KCNA2: variants seen among roughly 807,000 people sequenced by gnomAD.
The protein encoded by KCNA2 is potassium voltage-gated channel subfamily A member 2, also known as potassium channel, voltage gated shaker related subfamily A, member 2.
A neutral mutation model predicts 33.4 loss-of-function variants in KCNA2; 11 were observed. That is an observed-to-expected ratio of 0.33 (90% CI 0.21 to 0.55). KCNA2 has a LOEUF of 0.55. KCNA2 is among the 20% of genes least tolerant of loss of function. The pLI, the probability that KCNA2 is intolerant of heterozygous loss-of-function variation, is 0.93. For synonymous variants in KCNA2, 222 were observed against 231.3 expected (o/e 0.96, Z 0.37); for missense variants, 291 against 621.6 (o/e 0.47, Z 5.66).
rs1649180168 is a variant in KCNA2, at chr1:110,598,116, G to A, written c.*5167C>T. The A allele has an allele frequency of 1.0e-6, 1 of 965,132 alleles. No individual in the cohort carries two copies. Among genetic ancestry groups the A allele is most frequent in the African/African-American group, 1.8e-5 (1 of 56,818 alleles). 59.8% of individuals were successfully genotyped at this position (965,132 alleles called of 1,614,324 possible). A position where few individuals can be genotyped will look rare whatever the true frequency, so the allele number is the denominator to read the frequency against. ...GATGTTAATGAGGTTAAGGTCATGA[G>A]TTCAAACCCGGCAATGGATACCTTG... is the stretch of plus-strand genomic sequence containing the variant. On this transcript the variant is annotated 3_prime_UTR_variant, in exon 3 of 3. Transcript: ENST00000316361.
rs376953756 is a variant in KCNA2 at position 110,599,490 on chromosome 1, G to C, written c.*3793C>G. The C allele has an allele frequency of 1.0e-6, 1 of 985,240 alleles. No individual in the cohort carries two copies. The highest frequency in any genetic ancestry group is 1.2e-6 in the Non-Finnish European group (1 of 829,902). 61.0% of individuals were successfully genotyped at this position (985,240 alleles called of 1,614,324 possible). ...CAAGAGGAAAAGGAAGAGCGTGCCC[G>C]GGATTGAACACACCCAGAGGGGAAT... On this transcript the variant is annotated 3_prime_UTR_variant, in exon 3 of 3. Coordinates refer to ENST00000316361, the MANE Select transcript of KCNA2 (RefSeq NM_004974.4).
Position 110,604,684 on chromosome 1 carries a change from C to T in KCNA2, c.99G>A (p.Glu33=). The T allele has an allele frequency of 1.9e-6, 3 of 1,614,220 alleles. No homozygotes were observed. The highest frequency in any genetic ancestry group is 2.5e-6 in the Non-Finnish European group (3 of 1,180,046). ...GCCCTGAGATGTTGATCACCACCCT[C>T]TCACAGCACTCGTGGTCTGCCTCTG... ...YDPEADHECC[E]RVVINISGLR... The change falls in exon 3 of 3, where the codon GAG becomes GAA. Residue 33 remains glutamate, a synonymous_variant. Coordinates refer to ENST00000316361, the MANE Select transcript of KCNA2 (RefSeq NM_004974.4). This position sits in a 1 kb window ranked among gnomAD's most constrained non-coding sequence, Gnocchi z 7.6.
chr1:110,594,325 G>C lies in KCNA2; in HGVS notation c.*8958C>G, dbSNP rs868219776. 1 of 878,738 alleles carries C rather than the reference G, an allele frequency of 1.1e-6. No individual in the cohort carries two copies. Among genetic ancestry groups the C allele is most frequent in the Admixed American group, 6.8e-5 (1 of 14,788 alleles). 54.4% of individuals were successfully genotyped at this position (878,738 alleles called of 1,614,324 possible). A position where few individuals can be genotyped will look rare whatever the true frequency, so the allele number is the denominator to read the frequency against. ...TATATATACATATATATATATATGT[G>C]TGTGTATATATATATACACACACAT... On this transcript the variant is annotated 3_prime_UTR_variant, in exon 3 of 3. Coordinates refer to ENST00000316361, the MANE Select transcript of KCNA2 (RefSeq NM_004974.4).
At chr1:110,612,952 G>A (rs56275207) in intron 1 of KCNA2, among the ~76,000 whole-genome samples, 25,623 of 152,084 alleles carry the variant, frequency 0.17, 3,021 homozygotes, top group East Asian at 0.41. Flanking sequence ...ACCTTAGGTG[G>A]GGTGTTTTTC....
At chr1:110,620,510 A>G (rs773662729) in intron 1 of KCNA2, among the ~76,000 whole-genome samples, 2 of 151,280 alleles carry the variant, frequency 1.3e-5, no homozygotes, top group Non-Finnish European at 2.9e-5. Flanking sequence ...GCTGTTAAGA[A>G]CCCCACTTGG....
In KCNA2 at chr1:110,594,876, A is replaced by G. The variant is rs1025899076; in HGVS notation, c.*8407T>C. On this transcript the variant is annotated 3_prime_UTR_variant, in exon 3 of 3. Transcript: ENST00000316361. ...GGTCAAAGTCCTTGCCCTACACTTC[A>G]TAGGCTAAAAAGGCAGTAATGTTAG... The G allele has an allele frequency of 3.0e-6, 3 of 985,306 alleles. No individual in the cohort carries two copies. Among genetic ancestry groups the G allele is most frequent in the African/African-American group, 3.5e-5 (2 of 57,216 alleles). 61.0% of individuals were successfully genotyped at this position (985,306 alleles called of 1,614,324 possible). A position where few individuals can be genotyped will look rare whatever the true frequency, so the allele number is the denominator to read the frequency against.
chr1:110,602,710 T>G lies in KCNA2; in HGVS notation c.*573A>C, dbSNP rs753563096. The G allele has an allele frequency of 9.7e-5, 96 of 992,544 alleles. No individual in the cohort carries two copies. Among genetic ancestry groups the G allele is most frequent in the Non-Finnish European group, 1.2e-4 (96 of 834,752 alleles). The allele number at this position is 992,544 out of a possible 1,614,324, so 61.5% of individuals were successfully genotyped here. ...AAGCAGAATGCAGCATTTTCCGTTA[T>G]GAAACACAAGCCTCCAGAGCATCTA... On this transcript the variant is annotated 3_prime_UTR_variant, in exon 3 of 3. Transcript: ENST00000316361.
intron 1 of KCNA2, among the ~76,000 whole-genome samples, chr1:110,625,880 T>A (rs544751501): frequency 2.0e-5 from 3 of 152,330 alleles, no homozygotes; most frequent in African/African-American, 7.2e-5. Context: ...AAATACATAT[T>A]AAGGCTACAC....
At position 110,599,903 on chromosome 1, in the gene KCNA2, C is replaced by G; in HGVS notation, c.*3380G>C. ...CAGCTGTCCCAGGTACTTTCACACCCTGCACCCAGGTTTCTGGTGGGAGGA... is the reference window on the plus strand; with the variant it reads ...CAGCTGTCCCAGGTACTTTCACACCGTGCACCCAGGTTTCTGGTGGGAGGA... On this transcript the variant is annotated 3_prime_UTR_variant, in exon 3 of 3. Transcript: ENST00000316361. 1 of 985,420 alleles carries G rather than the reference C, an allele frequency of 1.0e-6. No homozygotes were observed. The highest frequency in any genetic ancestry group is 1.2e-6 in the Non-Finnish European group (1 of 829,948). The allele number at this position is 985,420 out of a possible 1,614,324, so 61.0% of individuals were successfully genotyped here. A position where few individuals can be genotyped will look rare whatever the true frequency, so the allele number is the denominator to read the frequency against.
At chr1:110,608,756 G>A (rs1395249161), upstream of KCNA2, among the ~76,000 whole-genome samples, 1 of 152,176 alleles carries the variant, frequency 6.6e-6, no homozygotes, top group Non-Finnish European at 1.5e-5. Context: ...AGATGGAAAC[G>A]TAACTCCCTA....
rs565875231 is a variant in KCNA2, at chr1:110,600,959, A to T, written c.*2324T>A. On this transcript the variant is annotated 3_prime_UTR_variant, in exon 3 of 3. Coordinates refer to ENST00000316361, the MANE Select transcript of KCNA2 (RefSeq NM_004974.4). ...GCTGGAGCCACCCCTGCATAGCCCGACCCCTGCAATTCACTGTTTGGGAAA... is the reference window on the plus strand; with the variant it reads ...GCTGGAGCCACCCCTGCATAGCCCGTCCCCTGCAATTCACTGTTTGGGAAA... 1.0e-6 allele frequency: 1 copy of T among 985,418 alleles called. No individual in the cohort carries two copies. Among genetic ancestry groups the T allele is most frequent in the South Asian group, 4.7e-5 (1 of 21,282 alleles). 61.0% of individuals were successfully genotyped at this position (985,418 alleles called of 1,614,324 possible).
chr1:110,606,367 C>A (rs3860224), upstream of KCNA2: 31,130 of 152,138 alleles, frequency 0.2, 4,779 homozygotes, highest in African/African-American at 0.41. Context: ...ATAAACGCTC[C>A]GCCTGCCTAG....
At chr1:110,617,127 C>G (rs1038597149) in intron 1 of KCNA2, among the ~76,000 whole-genome samples, 4 of 152,338 alleles carry the variant, frequency 2.6e-5, no homozygotes, top group African/African-American at 9.6e-5. Flanking sequence ...GAAGGGCTCT[C>G]TGCAACAGCC....
rs910875353 is a variant in KCNA2 at position 110,602,650 on chromosome 1, C to T, written c.*633G>A. 1.3e-5 allele frequency: 13 copies of T among 994,374 alleles called. No homozygotes were observed. The African/African-American group carries it at 2.3e-4, about 17-fold the overall frequency. 61.6% of individuals were successfully genotyped at this position (994,374 alleles called of 1,614,324 possible). On this transcript the variant is annotated 3_prime_UTR_variant, in exon 3 of 3. Coordinates refer to ENST00000316361, the MANE Select transcript of KCNA2 (RefSeq NM_004974.4). ...TATTCGGTCATACTAACTGTCCCTCCCCCGGGCTTCCCTCACATCGACACT... is the reference window on the plus strand; with the variant it reads ...TATTCGGTCATACTAACTGTCCCTCTCCCGGGCTTCCCTCACATCGACACT...
intron 1 of KCNA2, among the ~76,000 whole-genome samples, chr1:110,620,087 A>AGAGT (rs1650210925): frequency 7.5e-6 from 1 of 133,894 alleles, no homozygotes; most frequent in African/African-American, 3.2e-5. Context: ...AGAGAGAGAG[A>AGAGT]GTGAGTGAGA....
Position 110,601,304 on chromosome 1 carries a change from A to G in KCNA2, c.*1979T>C, listed in dbSNP as rs1179165425. The G allele has an allele frequency of 1.1e-5, 11 of 985,262 alleles. No individual in the cohort carries two copies. Among genetic ancestry groups the G allele is most frequent in the African/African-American group, 1.7e-5 (1 of 57,210 alleles). The allele number at this position is 985,262 out of a possible 1,614,324, so 61.0% of individuals were successfully genotyped here. On this transcript the variant is annotated 3_prime_UTR_variant, in exon 3 of 3. Coordinates refer to ENST00000316361, the MANE Select transcript of KCNA2 (RefSeq NM_004974.4). ...TAGAGGAGGCTCCCTTTAGGTCCAG[A>G]TCAGTGGAATTTGGTCCCAGGGAGT...
At chr1:110,612,446 T>A (rs1649906481) in intron 1 of KCNA2, among the ~76,000 whole-genome samples, 1 of 152,164 alleles carries the variant, frequency 6.6e-6, no homozygotes, top group Non-Finnish European at 1.5e-5. Flanking sequence ...AGCCTGGATG[T>A]CCTTATCAAC....
Position 110,594,139 on chromosome 1 carries a change from C to A in KCNA2, c.*9144G>T, listed in dbSNP as rs1020519343. 1.4e-5 allele frequency: 19 copies of A among 1,356,522 alleles called. No homozygotes were observed. The African/African-American group carries it at 2.2e-4, about 16-fold the overall frequency. The allele number at this position is 1,356,522 out of a possible 1,614,324, so 84.0% of individuals were successfully genotyped here. On this transcript the variant is annotated 3_prime_UTR_variant, in exon 3 of 3. Transcript: ENST00000316361. ...GATCCCAAGGAGGCTTATTTATCTA[C>A]CTCTTTGAGTTTTCAGCAATTATTA...
chr1:110,619,831 T>C (rs1049509541), intron 1 of KCNA2, among the ~76,000 whole-genome samples: 1 of 152,262 alleles, frequency 6.6e-6, no homozygotes, highest in Middle Eastern at 3.4e-3. Context: ...ATTCTAAAAA[T>C]ACAAAACCCA....
Sources: allele counts gnomAD v4.1 joint callset (sites outside exome capture counted in the v4.1 genomes callset), GRCh38; gene constraint gnomAD v4.1.1; non-coding constraint Gnocchi (gnomAD v3.1); transcripts MANE v1.5; gene names NCBI Gene and HGNC (gene_info 2026-07-23, HGNC 2026-07-21).